ATP8B4: variants seen among roughly 807,000 people sequenced by gnomAD.
ATP8B4 encodes the protein ATPase phospholipid transporting 8B4 (putative), also known as probable phospholipid-transporting ATPase IM.
Under a neutral mutation model 145.6 loss-of-function variants are expected in ATP8B4, and 133 were observed. The observed-to-expected ratio is 0.91, with a 90% CI of 0.79 to 1.05. ATP8B4 has a LOEUF of 1.05. Among genes scored for constraint, ATP8B4 ranks in the 50% least tolerant of loss-of-function variants. The probability of loss-of-function intolerance (pLI) is 0.00; values close to 1 mark genes in which losing one functional copy is unlikely to be tolerated. For missense variants in ATP8B4, 1,458 were observed against 1,425.2 expected, an observed-to-expected ratio of 1.02 and a Z score of -0.37; for synonymous variants, 507 against 492.9, an observed-to-expected ratio of 1.03 and a Z score of -0.38.
At chr15:50,080,107 C>T (rs151171955) in intron 2 of ATP8B4, among the ~76,000 whole-genome samples, 3 of 152,226 alleles carry the variant, frequency 2.0e-5, no homozygotes, top group Admixed American at 6.5e-5. Context: ...GATAAGTAAG[C>T]CTTCAAAGTG....
chr15:50,157,837 C>T (rs1218584820), intron 1 of ATP8B4, among the ~76,000 whole-genome samples: 1 of 152,228 alleles, frequency 6.6e-6, no homozygotes, highest in Non-Finnish European at 1.5e-5. Flanking sequence ...GCCATCTCGG[C>T]TCACTGCAAC....
intron 6 of ATP8B4, among the ~76,000 whole-genome samples, chr15:50,024,229 A>G (rs2153583922): frequency 1.3e-5 from 2 of 152,330 alleles, no homozygotes; most frequent in African/African-American, 4.8e-5. Context: ...GAGAGAGTAA[A>G]CAGATTCTAT....
At position 49,860,475 on chromosome 15, in the gene ATP8B4, T is replaced by A. The variant is rs371642172; in HGVS notation, c.3298A>T (p.Ile1100Phe). The change falls in exon 28 of 28, where the codon ATC becomes TTC. Residue 1100 changes from isoleucine to phenylalanine, a missense_variant and splice_region_variant. Coordinates refer to ENST00000284509, the MANE Select transcript of ATP8B4 (RefSeq NM_024837.4). ...TTTTGAGCCTTCTGCCACCGGCGGA[T>A]CTGGAGAGAAACAGACCCAAAGTGA... ...VDLYPTLSDQIRRWQKAQKKA... is the reference protein window; with the variant it reads ...VDLYPTLSDQFRRWQKAQKKA... 1.6e-5 allele frequency: 26 copies of A among 1,607,112 alleles called. No homozygotes were observed. Among genetic ancestry groups the A allele is most frequent in the Non-Finnish European group, 2.0e-5 (24 of 1,177,432 alleles).
At chr15:50,180,785 G>C (rs1459895454) in intron 1 of ATP8B4, among the ~76,000 whole-genome samples, 4 of 152,236 alleles carry the variant, frequency 2.6e-5, no homozygotes, top group Non-Finnish European at 4.4e-5. Context: ...CCAGGTAGCT[G>C]GATCAGAAAT....
intron 1 of ATP8B4, among the ~76,000 whole-genome samples, chr15:50,140,388 A>G (rs2044190328): frequency 6.6e-6 from 1 of 152,168 alleles, no homozygotes; most frequent in African/African-American, 2.4e-5. Flanking sequence ...CTTACAATCC[A>G]TTTCCTAATG....
rs368404132 is a variant in ATP8B4 at position 49,901,185 on chromosome 15, T to A, written c.2196A>T (p.Val732=). ...GQNRNFSNGH[V]VCEKKQQLEL... is the part of the protein sequence containing the mutation. ...CCAGCTGCTGCTTTTTTTCACAAAC[T>A]ACATGGCCATTGGAAAAATTTCTGT... Residue 732 remains valine, a synonymous_variant, in exon 21 of 28, where the codon GTA becomes GTT. Coordinates refer to ENST00000284509, the MANE Select transcript of ATP8B4 (RefSeq NM_024837.4). 6 of 1,613,502 alleles carry A rather than the reference T, an allele frequency of 3.7e-6. No individual in the cohort carries two copies. The highest frequency in any genetic ancestry group is 5.1e-6 in the Non-Finnish European group (6 of 1,179,672).
intron 1 of ATP8B4, among the ~76,000 whole-genome samples, chr15:50,111,538 T>C (rs1438978258): frequency 6.6e-6 from 1 of 152,172 alleles, no homozygotes; most frequent in African/African-American, 2.4e-5. Flanking sequence ...CATAGTAAAC[T>C]CACCAAAAGC....
At chr15:50,000,661 A>C (rs1022612219) in intron 8 of ATP8B4, among the ~76,000 whole-genome samples, 4 of 152,180 alleles carry the variant, frequency 2.6e-5, no homozygotes, top group Admixed American at 1.3e-4. Flanking sequence ...CTTATCTTTA[A>C]GTCCTCCTAA....
At chr15:49,891,487 A>G (rs1262169411) in intron 23 of ATP8B4, among the ~76,000 whole-genome samples, 8 of 151,964 alleles carry the variant, frequency 5.3e-5, no homozygotes, top group African/African-American at 1.9e-4. Flanking sequence ...CACCCCGTCC[A>G]GCTATTTTTT....
rs962283945 is a variant in ATP8B4, at chr15:50,179,298, G to A, written c.-43+2963C>T. On this transcript the variant is annotated intron_variant, in intron 1 of 3. Transcript: ENST00000558829. ...TTTAAATTTCATTTTATAGACCAGA[G>A]GTTCCCAAGAGATGTACCAAGAATG... Among the ~76,000 whole-genome samples, 8 of 152,260 alleles carry A rather than the reference G, an allele frequency of 5.3e-5. 1 individual carries two copies. Among genetic ancestry groups the A allele is most frequent in the Admixed American group, 4.6e-4 (7 of 15,296 alleles).
At chr15:50,010,991 A>C in intron 6 of ATP8B4, 74 bp from the exon 7 acceptor site, 1 of 1,020,324 alleles carries the variant, frequency 9.8e-7, no homozygotes. Flanking sequence ...TGTATTCACA[A>C]TGTAGCATCA....
rs1326771573 is a variant in ATP8B4 at position 50,038,803 on chromosome 15, C to T, written c.327G>A (p.Val109=). Residue 109 remains valine (V), a synonymous_variant, in exon 6 of 28, where the codon GTG becomes GTA. Transcript: ENST00000284509. ...TGAGCACTTCAGACTGCCGATTATT[C>T]ACTTGATTATCACTCTTGTGGCGAA... The part of the protein sequence containing the change: ...DYFRHKSDNQ[V]NNRQSEVLIN... 7 of 1,613,732 alleles carry T rather than the reference C, an allele frequency of 4.3e-6. No individual in the cohort carries two copies. Among genetic ancestry groups the T allele is most frequent in the Middle Eastern group, 1.7e-4 (1 of 6,056 alleles).
intron 8 of ATP8B4, among the ~76,000 whole-genome samples, chr15:50,001,220 T>C (rs1240965205): frequency 6.6e-6 from 1 of 152,140 alleles, no homozygotes; most frequent in African/African-American, 2.4e-5. Context: ...TTGGGGTTTA[T>C]TTTGCTGTTT....
intron 18 of ATP8B4, 123 bp downstream of exon 18, chr15:49,920,123 G>T: frequency 8.0e-7 from 1 of 1,254,674 alleles, no homozygotes. Context: ...ATGATTCAGT[G>T]ATTGAAAGAG....
chr15:50,155,188 C>T (rs1000677645), intron 1 of ATP8B4, among the ~76,000 whole-genome samples: 2 of 152,068 alleles, frequency 1.3e-5, no homozygotes, highest in African/African-American at 4.8e-5. Context: ...TTGTCAATAA[C>T]TCAGAAGCTG....
intron 7 of ATP8B4, among the ~76,000 whole-genome samples, chr15:50,005,910 A>G (rs923241632): frequency 1.3e-4 from 20 of 149,992 alleles, no homozygotes; most frequent in African/African-American, 4.3e-4. Context: ...TAAGTTGAAC[A>G]CTTTTGGATC....
chr15:49,986,663 A>G (rs898315866), intron 10 of ATP8B4, among the ~76,000 whole-genome samples: 10 of 152,230 alleles, frequency 6.6e-5, no homozygotes, highest in African/African-American at 2.4e-4. Flanking sequence ...GGCCCAAAAC[A>G]CATCTTAATT....
intron 14 of ATP8B4, among the ~76,000 whole-genome samples, chr15:49,949,453 G>A (rs1275220541): frequency 6.6e-6 from 1 of 152,124 alleles, no homozygotes; most frequent in African/African-American, 2.4e-5. Context: ...GTTCATTCAT[G>A]ATTTGGCTCT....
chr15:49,889,471 A>G (rs2036564720), intron 23 of ATP8B4, among the ~76,000 whole-genome samples: 1 of 152,244 alleles, frequency 6.6e-6, no homozygotes, highest in Non-Finnish European at 1.5e-5. Flanking sequence ...GCCAATCACA[A>G]CATAAGCAAC....
Sources: allele counts gnomAD v4.1 joint callset (sites outside exome capture counted in the v4.1 genomes callset), GRCh38; gene constraint gnomAD v4.1.1; transcripts MANE v1.5; gene names NCBI Gene and HGNC (gene_info 2026-07-23, HGNC 2026-07-21).